Variants in CCBE1 observed in about 807,000 individuals in gnomAD.
CCBE1 encodes collagen and calcium-binding EGF domain-containing protein 1.
CCBE1 carries 37 observed loss-of-function variants against 50.0 expected under a neutral mutation model. That is an observed-to-expected ratio of 0.74 (90% confidence interval 0.57 to 0.97). CCBE1 has a LOEUF of 0.97. CCBE1 is among the 50% of genes least tolerant of loss of function. The pLI, the probability that CCBE1 is intolerant of heterozygous loss-of-function variation, is 0.00. For missense variants in CCBE1, 538 were observed against 523.8 expected (o/e 1.03, Z -0.26); for synonymous variants, 234 against 203.7 (o/e 1.15, Z -1.27).
intron 2 of CCBE1, among the ~76,000 whole-genome samples, chr18:59,523,839 A>G (rs1185161581): frequency 1.3e-5 from 2 of 152,144 alleles, no homozygotes; most frequent in Admixed American, 1.3e-4. Flanking sequence ...ACAATGTCAC[A>G]TGTTTGTGCA....
chr18:59,616,239 C>G (rs1040252699), intron 2 of CCBE1, among the ~76,000 whole-genome samples: 1 of 152,046 alleles, frequency 6.6e-6, no homozygotes, highest in Non-Finnish European at 1.5e-5. Context: ...AAGAGATGAC[C>G]GCTTTAGGGA....
chr18:59,550,476 T>C (rs1915871221), intron 2 of CCBE1, among the ~76,000 whole-genome samples: 1 of 152,128 alleles, frequency 6.6e-6, no homozygotes, highest in African/African-American at 2.4e-5. Context: ...CTCAGAAGCC[T>C]TCACAACACC....
intron 2 of CCBE1, among the ~76,000 whole-genome samples, chr18:59,610,219 A>C (rs1406053295): frequency 6.6e-6 from 1 of 152,216 alleles, no homozygotes; most frequent in Non-Finnish European, 1.5e-5. Context: ...GGGATGACCA[A>C]GCAGGTGCAT....
intron 2 of CCBE1, among the ~76,000 whole-genome samples, chr18:59,656,016 T>C (rs2054184693): frequency 2.0e-5 from 3 of 152,208 alleles, no homozygotes; most frequent in African/African-American, 7.2e-5. Context: ...TCTCTGTGAA[T>C]GTAGTGACCA....
intron 2 of CCBE1, among the ~76,000 whole-genome samples, chr18:59,528,414 T>C (rs1391569972): frequency 6.6e-6 from 1 of 152,218 alleles, no homozygotes; most frequent in African/African-American, 2.4e-5. Context: ...TAGAAGATGC[T>C]CCTTTAGCTC....
intron 10 of CCBE1, among the ~76,000 whole-genome samples, chr18:59,436,846 C>G (rs1226394008): frequency 1.1e-4 from 17 of 151,948 alleles, no homozygotes; most frequent in Admixed American, 1.1e-3. Context: ...GTGGTGGGCA[C>G]CTGTGGACCC....
At chr18:59,475,772 C>T (rs980260524) in intron 3 of CCBE1, among the ~76,000 whole-genome samples, 11 of 152,198 alleles carry the variant, frequency 7.2e-5, no homozygotes, top group Admixed American at 3.3e-4. Context: ...GGCTGGAGTG[C>T]GCTGGCACAA....
intron 2 of CCBE1, among the ~76,000 whole-genome samples, chr18:59,552,175 G>A (rs1319895793): frequency 6.6e-6 from 1 of 152,198 alleles, no homozygotes; most frequent in East Asian, 1.9e-4. Context: ...ATTCCAAAAA[G>A]TGGTAAGGCT....
intron 6 of CCBE1, among the ~76,000 whole-genome samples, chr18:59,450,930 A>C (rs1215623320): frequency 6.6e-6 from 1 of 152,162 alleles, no homozygotes; most frequent in Non-Finnish European, 1.5e-5. Flanking sequence ...CCATATAACC[A>C]CCTGAGGCAA....
intron 2 of CCBE1, among the ~76,000 whole-genome samples, chr18:59,597,424 C>G (rs1450182212): frequency 6.6e-6 from 1 of 152,172 alleles, no homozygotes; most frequent in Non-Finnish European, 1.5e-5. Context: ...GAAACACATA[C>G]CTACAGCTTC....
chr18:59,625,067 AC>A (rs1346487929), intron 2 of CCBE1, among the ~76,000 whole-genome samples: 2 of 152,224 alleles, frequency 1.3e-5, no homozygotes, highest in African/African-American at 4.8e-5. Context: ...AAGTTTGACC[AC>A]CATGGTAACA....
intron 6 of CCBE1, 87 bp from the exon 7 acceptor site, chr18:59,448,190 T>C (rs968120486): frequency 4.5e-6 from 7 of 1,568,618 alleles, no homozygotes; most frequent in Non-Finnish European, 6.1e-6. Flanking sequence ...CTGCAAAGCC[T>C]TTTCATGAGA....
At chr18:59,513,312 AAAACAAAAC>A (rs1489715932) in intron 2 of CCBE1, among the ~76,000 whole-genome samples, 2 of 79,040 alleles carry the variant, frequency 2.5e-5, no homozygotes, top group Admixed American at 2.4e-4. Flanking sequence ...TCAAAAAAAC[AAAACAAAAC>A]AAAAAAATTC....
At chr18:59,448,202 A>G in intron 6 of CCBE1, 99 bp from the exon 7 acceptor site, 3 of 1,527,002 alleles carry the variant, frequency 2.0e-6, no homozygotes, top group Non-Finnish European at 2.7e-6. Flanking sequence ...TTCATGAGAC[A>G]TATGTATATA....
At chr18:59,470,638 C>T (rs2851846) in intron 3 of CCBE1, among the ~76,000 whole-genome samples, 64,299 of 151,858 alleles carry the variant, frequency 0.42, 13,851 homozygotes, top group South Asian at 0.51. Flanking sequence ...GCATCTGCTC[C>T]TCTCAGTTCC....
intron 2 of CCBE1, among the ~76,000 whole-genome samples, chr18:59,688,826 A>G (rs2054692261): frequency 6.6e-6 from 1 of 152,164 alleles, no homozygotes; most frequent in Non-Finnish European, 1.5e-5. Context: ...CTGTAATATA[A>G]ATAAGGTGAT....
intron 2 of CCBE1, among the ~76,000 whole-genome samples, chr18:59,594,503 A>G (rs983073334): frequency 2.0e-5 from 3 of 152,228 alleles, no homozygotes; most frequent in Admixed American, 1.3e-4. Flanking sequence ...ACTTAATGCC[A>G]GTGAACTGCT....
intron 5 of CCBE1, among the ~76,000 whole-genome samples, chr18:59,460,121 T>C (rs1180279548): frequency 6.6e-6 from 1 of 152,222 alleles, no homozygotes; most frequent in Non-Finnish European, 1.5e-5. Flanking sequence ...GGCTACATAT[T>C]TTCAAAGAGA....
chr18:59,602,960 G>A (rs772268587), intron 2 of CCBE1, among the ~76,000 whole-genome samples: 6 of 152,274 alleles, frequency 3.9e-5, no homozygotes, highest in South Asian at 2.1e-4. Context: ...GCCTTGTCTC[G>A]AATCATAAAA....
Sources: gnomAD v4.1 joint callset for allele counts (sites outside exome capture counted in the v4.1 genomes callset) on GRCh38, gnomAD v4.1.1 for gene constraint, MANE v1.5 for transcripts, NCBI Gene and HGNC (gene_info 2026-07-23, HGNC 2026-07-21) for gene names.